Variants in SMURF1 observed in about 807,000 individuals in gnomAD.
SMURF1 encodes the protein E3 ubiquitin-protein ligase SMURF1.
In SMURF1, 44 loss-of-function variants were observed where a neutral mutation model predicts 98.0. That is an observed-to-expected ratio of 0.45 (90% CI 0.35 to 0.58). The LOEUF (loss-of-function observed/expected upper bound fraction) is 0.58. SMURF1 is among the 20% of genes least tolerant of loss of function. SMURF1 has a pLI of 0.00. For missense variants in SMURF1, 687 were observed against 938.4 expected, an observed-to-expected ratio of 0.73 and a Z score of 3.50; for synonymous variants, 396 against 374.9, an observed-to-expected ratio of 1.06 and a Z score of -0.65.
chr7:99,098,683 C>G (rs749061057), intron 1 of SMURF1, among the ~76,000 whole-genome samples: 29 of 152,116 alleles, frequency 1.9e-4, no homozygotes, highest in Non-Finnish European at 2.4e-4. Context: ...TATGGGGCAA[C>G]TAAAACTGGA....
At chr7:99,115,262 G>A (rs934966848) in intron 1 of SMURF1, among the ~76,000 whole-genome samples, 2 of 152,090 alleles carry the variant, frequency 1.3e-5, no homozygotes, top group Non-Finnish European at 2.9e-5. Context: ...CAAGGAAAAA[G>A]GAGAGAAGAT....
At chr7:99,085,920 CA>C (rs1316179710) in intron 1 of SMURF1, among the ~76,000 whole-genome samples, 1 of 152,048 alleles carries the variant, frequency 6.6e-6, no homozygotes, top group Non-Finnish European at 1.5e-5. Flanking sequence ...CAAAATAAGC[CA>C]ATTAAAATAT....
chr7:99,117,809 G>A (rs1797494403), intron 1 of SMURF1, among the ~76,000 whole-genome samples: 1 of 151,752 alleles, frequency 6.6e-6, no homozygotes, highest in African/African-American at 2.4e-5. Flanking sequence ...GCTGAGCGTG[G>A]TGGCTCACGC....
At chr7:99,040,668 A>G in intron 12 of SMURF1, 112 bp from the exon 13 acceptor site, 3 of 1,018,362 alleles carry the variant, frequency 2.9e-6, no homozygotes, top group Non-Finnish European at 2.6e-6. Flanking sequence ...AACCAGACCT[A>G]CTGACTCAGG....
rs538434675 is a variant in SMURF1 at position 99,058,541 on chromosome 7, C to T, written c.204-990G>A. On this transcript the variant is annotated intron_variant, in intron 3 of 17. Coordinates refer to ENST00000361368, the MANE Select transcript of SMURF1 (RefSeq NM_181349.3). ...CGACAAGGGACTACTTACAAACCTA[C>T]GGATCTATTCAAAGTACACAAGAGG... 1.0e-3 allele frequency among the ~76,000 whole-genome samples: 154 copies of T among 152,294 alleles called. 1 individual carries two copies. The highest frequency in any genetic ancestry group is 3.5e-3 in the African/African-American group (146 of 41,568).
chr7:99,106,629 T>C (rs1358856817), intron 1 of SMURF1, among the ~76,000 whole-genome samples: 2 of 152,164 alleles, frequency 1.3e-5, no homozygotes, highest in Non-Finnish European at 2.9e-5. Context: ...AACAATTCCA[T>C]TGTTGCCGGG....
chr7:99,060,354 G>A (rs1457468797), intron 3 of SMURF1, among the ~76,000 whole-genome samples: 2 of 146,896 alleles, frequency 1.4e-5, no homozygotes, highest in Admixed American at 7.0e-5. Context: ...ACTCCAGCCT[G>A]GGTGACAGAG....
chr7:99,100,168 T>C (rs1160063802), intron 1 of SMURF1, among the ~76,000 whole-genome samples: 1 of 149,332 alleles, frequency 6.7e-6, no homozygotes, highest in Admixed American at 6.7e-5. Flanking sequence ...GCCAAATATA[T>C]ACTTTTAACA....
At chr7:99,063,174 A>G (rs929567915) in intron 1 of SMURF1, among the ~76,000 whole-genome samples, 4 of 143,412 alleles carry the variant, frequency 2.8e-5, no homozygotes, top group African/African-American at 1.0e-4. Flanking sequence ...CGTAAGTGAT[A>G]AGCTATAGCT....
Position 99,037,199 on chromosome 7 carries a change from A to T in SMURF1, c.1689-12T>A. 1.9e-6 allele frequency: 3 copies of T among 1,613,228 alleles called. No individual in the cohort carries two copies. The highest frequency in any genetic ancestry group is 2.5e-6 in the Non-Finnish European group (3 of 1,179,842). ...AGTTTACATACAACCTGGAAGAAAA[A>T]CTCGCAAGTTGGATGCAACACCAAG... On this transcript the variant is annotated splice_polypyrimidine_tract_variant and intron_variant, in intron 14 of 17. Transcript: ENST00000361368.
intron 9 of SMURF1, 182 bp downstream of exon 9, chr7:99,049,381 T>A: frequency 1.6e-6 from 1 of 638,916 alleles, no homozygotes; most frequent in South Asian, 2.0e-5. Context: ...AGGGCTTCAG[T>A]GCTCTTCACA....
chr7:99,051,058 T>A, intron 8 of SMURF1: 1 of 1,409,568 alleles, frequency 7.1e-7, no homozygotes, highest in Middle Eastern at 1.8e-4. Flanking sequence ...TTTCCTTGAC[T>A]TATGATGGAA....
Position 99,122,165 on chromosome 7 carries a change from C to T in SMURF1, c.55+21561G>A, listed in dbSNP as rs556453560. ...GCAACATGGTGAAACCCCATCTCTA[C>T]TAAAAATACAAAATTATCTGGGCAT... On this transcript the variant is annotated intron_variant, in intron 1 of 17. Coordinates refer to ENST00000361368, the MANE Select transcript of SMURF1 (RefSeq NM_181349.3). Among the ~76,000 whole-genome samples, 58 of 151,600 alleles carry T rather than the reference C, an allele frequency of 3.8e-4. No homozygotes were observed. In the East Asian group the frequency reaches 0.011, roughly 29 times the overall value.
At chr7:99,105,235 TGAAA>T (rs1325132659) in intron 1 of SMURF1, among the ~76,000 whole-genome samples, 3 of 152,208 alleles carry the variant, frequency 2.0e-5, no homozygotes, top group Non-Finnish European at 4.4e-5. Flanking sequence ...AAATTCTCTC[TGAAA>T]GAAAGACATT....
chr7:99,041,043 G>A (rs965244034), intron 12 of SMURF1, among the ~76,000 whole-genome samples: 1 of 152,192 alleles, frequency 6.6e-6, no homozygotes, highest in Non-Finnish European at 1.5e-5. Context: ...GAGAGGGAGG[G>A]AGGGAAGAAA....
intron 1 of SMURF1, among the ~76,000 whole-genome samples, chr7:99,141,904 G>T (rs1035434131): frequency 2.0e-5 from 3 of 152,184 alleles, no homozygotes; most frequent in Non-Finnish European, 4.4e-5. Context: ...AAATCCAGGG[G>T]AAAATCCCTG....
rs1388942370 is a variant in SMURF1 at position 99,035,733 on chromosome 7, A to G, written c.1810-17T>C. On this transcript the variant is annotated splice_polypyrimidine_tract_variant and intron_variant, in intron 15 of 17. Transcript: ENST00000361368. ...TATGATCAGCTGAGGAGGTGCAGAAAGGTGAATTACTTCCAAAATGCATAA... is the reference window on the plus strand; with the variant it reads ...TATGATCAGCTGAGGAGGTGCAGAAGGGTGAATTACTTCCAAAATGCATAA... The G allele has an allele frequency of 2.5e-6, 4 of 1,611,734 alleles. No homozygotes were observed. The highest frequency in any genetic ancestry group is 3.4e-6 in the Non-Finnish European group (4 of 1,178,584).
At position 99,129,454 on chromosome 7, in the gene SMURF1, C is replaced by A. The variant is rs1584212437; in HGVS notation, c.55+14272G>T. On this transcript the variant is annotated intron_variant, in intron 1 of 17. Coordinates refer to ENST00000361368, the MANE Select transcript of SMURF1 (RefSeq NM_181349.3). ...TCACCCAGGCTAGAGTGCAGTGGCA[C>A]AATCACAGCTCATTGTAGCCTCAAC... Among the ~76,000 whole-genome samples, 4 of 152,190 alleles carry A rather than the reference C, an allele frequency of 2.6e-5. 1 individual carries two copies. In the South Asian group the frequency reaches 8.3e-4, roughly 32 times the overall value.
chr7:99,074,730 A>G (rs1246281571), intron 1 of SMURF1, among the ~76,000 whole-genome samples: 1 of 152,160 alleles, frequency 6.6e-6, no homozygotes, highest in Non-Finnish European at 1.5e-5. Context: ...ACCCAATCCA[A>G]TTAAAAAATT....
Sources: allele counts gnomAD v4.1 joint callset (sites outside exome capture counted in the v4.1 genomes callset), GRCh38; gene constraint gnomAD v4.1.1; transcripts MANE v1.5; gene names NCBI Gene and HGNC (gene_info 2026-07-23, HGNC 2026-07-21).